Variants in RAB31 observed in about 807,000 individuals in gnomAD.
The protein encoded by RAB31 is RAB31, member RAS oncogene family.
A neutral mutation model predicts 25.6 loss-of-function variants in RAB31; 21 were observed. That is an observed-to-expected ratio of 0.82 (90% CI 0.58 to 1.18). The LOEUF (loss-of-function observed/expected upper bound fraction) is 1.18, where lower values mean the gene tolerates loss of function less well. Ranked by LOEUF, RAB31 falls within the 50% of genes most tolerant of loss-of-function variation. The pLI, the probability that RAB31 is intolerant of heterozygous loss-of-function variation, is 0.00. For missense variants in RAB31, 196 were observed against 250.1 expected (o/e 0.78, Z 1.46); for synonymous variants, 87 against 84.0 (o/e 1.04, Z -0.20).
At chr18:9,721,255 A>G (rs1274539813) in intron 1 of RAB31, among the ~76,000 whole-genome samples, 1 of 152,236 alleles carries the variant, frequency 6.6e-6, no homozygotes, top group African/African-American at 2.4e-5. Flanking sequence ...ATTCTGTGTG[A>G]CAACGTTAAC....
intron 1 of RAB31, among the ~76,000 whole-genome samples, chr18:9,748,390 C>A (rs935858736): frequency 3.3e-5 from 5 of 151,978 alleles, no homozygotes; most frequent in African/African-American, 1.2e-4. Flanking sequence ...CCGGTAGTCC[C>A]AGCTACTCAG....
intron 1 of RAB31, among the ~76,000 whole-genome samples, chr18:9,752,901 A>T (rs1416079579): frequency 1.3e-5 from 2 of 152,222 alleles, no homozygotes; most frequent in Non-Finnish European, 2.9e-5. Context: ...CATACAAGGC[A>T]CAGATCATAT....
At chr18:9,721,329 G>A (rs2068072606) in intron 1 of RAB31, among the ~76,000 whole-genome samples, 2 of 152,238 alleles carry the variant, frequency 1.3e-5, no homozygotes, top group South Asian at 4.2e-4. Context: ...AATTGGGGTC[G>A]ACCGGGGACA....
chr18:9,833,206 T>G (rs1239131818), intron 5 of RAB31, among the ~76,000 whole-genome samples: 1 of 152,210 alleles, frequency 6.6e-6, no homozygotes, highest in Non-Finnish European at 1.5e-5. Context: ...CTGTATCCAC[T>G]GAGACAGCGC....
At chr18:9,742,230 A>C (rs899562261) in intron 1 of RAB31, among the ~76,000 whole-genome samples, 1 of 152,190 alleles carries the variant, frequency 6.6e-6, no homozygotes, top group African/African-American at 2.4e-5. Flanking sequence ...ATTGCAGCGC[A>C]GAGTTGGTGG....
Position 9,752,171 on chromosome 18 carries a change from C to T in RAB31, c.40-23107C>T, listed in dbSNP as rs566360972. Among the ~76,000 whole-genome samples the T allele has an allele frequency of 2.6e-5, 4 of 152,312 alleles. No homozygotes were observed. In the East Asian group the frequency reaches 7.7e-4, roughly 29 times the overall value. On this transcript the variant is annotated intron_variant, in intron 1 of 6. Coordinates refer to ENST00000578921, the MANE Select transcript of RAB31 (RefSeq NM_006868.4). ...GACATGCTGAGAGCCCTTTCTCCAC[C>T]GTGCTTGCATTGACTGATTACATGT...
intron 3 of RAB31, among the ~76,000 whole-genome samples, chr18:9,813,119 T>C (rs1015130390): frequency 2.1e-4 from 32 of 152,244 alleles, no homozygotes; most frequent in African/African-American, 7.2e-4. Context: ...TGAACGATGC[T>C]AGTGACCAGC....
Position 9,775,347 on chromosome 18 carries a change from C to T in RAB31, c.109C>T (p.Pro37Ser), listed in dbSNP as rs1410552591. 6.2e-7 allele frequency: 1 copy of T among 1,613,822 alleles called. No homozygotes were observed. ...VQDHFDHNIS[P>S]TIGASFMTKT... Reference sequence around the variant, plus strand: ...GGATCACTTTGACCACAACATCAGCCCTACTATTGGGTAAGTTCCTGTATG... The same window carrying T: ...GGATCACTTTGACCACAACATCAGCTCTACTATTGGGTAAGTTCCTGTATG... Residue 37 changes from proline (P) to serine (S), a missense_variant, in exon 2 of 7, where the codon CCT becomes TCT. Coordinates refer to ENST00000578921, the MANE Select transcript of RAB31 (RefSeq NM_006868.4).
chr18:9,732,253 G>A (rs1194309438), intron 1 of RAB31, among the ~76,000 whole-genome samples: 2 of 152,196 alleles, frequency 1.3e-5, no homozygotes, highest in Non-Finnish European at 2.9e-5. Flanking sequence ...CAGGCAACAA[G>A]GAGAGGGCCG....
intron 1 of RAB31, among the ~76,000 whole-genome samples, chr18:9,726,772 G>T: frequency 6.6e-6 from 1 of 151,734 alleles, no homozygotes; most frequent in Non-Finnish European, 1.5e-5. Flanking sequence ...ATTTTTTATT[G>T]AAGTATAACA....
At chr18:9,728,993 AC>A (rs2068108863) in intron 1 of RAB31, among the ~76,000 whole-genome samples, 1 of 152,062 alleles carries the variant, frequency 6.6e-6, no homozygotes, top group African/African-American at 2.4e-5. Flanking sequence ...CACATCGTTT[AC>A]CCATTTTCAA....
chr18:9,711,688 T>G (rs1255860372), intron 1 of RAB31, among the ~76,000 whole-genome samples: 1 of 152,234 alleles, frequency 6.6e-6, no homozygotes, highest in Admixed American at 6.5e-5. Flanking sequence ...GCATTCAGCT[T>G]CCTGTTTTTT....
chr18:9,841,784 G>A (rs1371759053), intron 5 of RAB31, among the ~76,000 whole-genome samples: 1 of 152,128 alleles, frequency 6.6e-6, no homozygotes, highest in African/African-American at 2.4e-5. Flanking sequence ...TATCAGATGA[G>A]TTAACATGTC....
Position 9,725,365 on chromosome 18 carries a change from A to C in RAB31, c.39+16921A>C, listed in dbSNP as rs1021056082. On this transcript the variant is annotated intron_variant, in intron 1 of 6. Transcript: ENST00000578921. ...ACTGAATAAGTGCTTTACATAAATTATGACATTAATAGGCTTATAAGGGCA... is the reference window on the plus strand; with the variant it reads ...ACTGAATAAGTGCTTTACATAAATTCTGACATTAATAGGCTTATAAGGGCA... 2.6e-5 allele frequency among the ~76,000 whole-genome samples: 4 copies of C among 152,212 alleles called. No individual in the cohort carries two copies. The East Asian group carries it at 7.7e-4, about 29-fold the overall frequency.
chr18:9,742,225 A>C (rs943686836), intron 1 of RAB31, among the ~76,000 whole-genome samples: 2 of 152,200 alleles, frequency 1.3e-5, no homozygotes, highest in African/African-American at 4.8e-5. Flanking sequence ...GCGATATTGC[A>C]GCGCAGAGTT....
chr18:9,786,060 GAA>G (rs1429892808), intron 2 of RAB31, among the ~76,000 whole-genome samples: 17 of 125,226 alleles, frequency 1.4e-4, no homozygotes, highest in African/African-American at 5.0e-4. Flanking sequence ...AAGAAAGAGA[GAA>G]AGAGAAAGAG....
chr18:9,739,249 C>T (rs903807524), intron 1 of RAB31, among the ~76,000 whole-genome samples: 22 of 152,062 alleles, frequency 1.4e-4, no homozygotes, highest in African/African-American at 4.3e-4. Flanking sequence ...CCAAGGCAGG[C>T]GGATCATGAG....
At position 9,824,345 on chromosome 18, in the gene RAB31, TGTA is replaced by T. The variant is rs763772907; in HGVS notation, c.380+9125_380+9127del. The stretch of plus-strand genomic sequence containing the variant: ...AGATGTATGTGTGTATAAATGTGTG[TGTA>T]GATGTGTGTATAGGTGTGTGTGTGT... On this transcript the variant is annotated intron_variant, in intron 5 of 6. Transcript: ENST00000578921. 1.2e-4 allele frequency among the ~76,000 whole-genome samples: 18 copies of T among 151,614 alleles called. No individual in the cohort carries two copies. The East Asian group carries it at 3.1e-3, about 26-fold the overall frequency.
At chr18:9,778,778 T>C (rs1257377305) in intron 2 of RAB31, among the ~76,000 whole-genome samples, 11 of 152,184 alleles carry the variant, frequency 7.2e-5, no homozygotes, top group Admixed American at 1.3e-4. Context: ...GCCACACATA[T>C]AACTTTTGAC....
Sources: gnomAD v4.1 joint callset for allele counts (sites outside exome capture counted in the v4.1 genomes callset) on GRCh38, gnomAD v4.1.1 for gene constraint, MANE v1.5 for transcripts, NCBI Gene and HGNC (gene_info 2026-07-23, HGNC 2026-07-21) for gene names.